OSMR: variants seen among roughly 807,000 people sequenced by gnomAD.
The protein encoded by OSMR is oncostatin-M-specific receptor subunit beta.
Under a neutral mutation model 99.9 loss-of-function variants are expected in OSMR, and 81 were observed. That is an observed-to-expected ratio of 0.81 (90% CI 0.68 to 0.97). OSMR has a LOEUF of 0.97. Ranked by LOEUF, OSMR falls within the 50% of genes least tolerant of loss-of-function variation. OSMR has a pLI of 0.00. For synonymous variants in OSMR, 406 were observed against 410.4 expected (o/e 0.99, Z 0.13); for missense variants, 1,099 against 1,153.4 (o/e 0.95, Z 0.68).
intron 1 of OSMR, among the ~76,000 whole-genome samples, chr5:38,848,859 G>T (rs555373097): frequency 6.6e-6 from 1 of 151,936 alleles, no homozygotes; most frequent in South Asian, 2.1e-4. Flanking sequence ...CTGCAGCCTC[G>T]ACCTTCTGGG....
intron 1 of OSMR, among the ~76,000 whole-genome samples, chr5:38,847,429 G>A (rs1422416416): frequency 2.0e-5 from 3 of 152,110 alleles, no homozygotes; most frequent in Non-Finnish European, 4.4e-5. Context: ...TACACAGCTA[G>A]CAGGTGACAG....
At chr5:38,854,301 A>G (rs936388660) in intron 1 of OSMR, among the ~76,000 whole-genome samples, 1 of 152,184 alleles carries the variant, frequency 6.6e-6, no homozygotes, top group African/African-American at 2.4e-5. Flanking sequence ...CATGGGCATT[A>G]TTTGTGGTGA....
intron 4 of OSMR, 35 bp from the exon 5 acceptor site, chr5:38,883,792 T>A: frequency 6.2e-7 from 1 of 1,611,884 alleles, no homozygotes; most frequent in African/African-American, 1.3e-5. Context: ...GAATTTTGAG[T>A]GCGATTCTAA....
Position 38,877,763 on chromosome 5 carries a change from C to G in OSMR, c.246+1390C>G, listed in dbSNP as rs534340184. On this transcript the variant is annotated intron_variant, in intron 3 of 17. Transcript: ENST00000274276. ...AACCATAGACTACATGGATCCTATT[C>G]TTTATTTTTCCAAAAGACAACTCAT... Among the ~76,000 whole-genome samples the G allele has an allele frequency of 2.6e-5, 4 of 152,252 alleles. No individual in the cohort carries two copies. The East Asian group carries it at 5.8e-4, about 22-fold the overall frequency.
intron 3 of OSMR, among the ~76,000 whole-genome samples, chr5:38,879,862 T>C (rs1324671028): frequency 2.0e-5 from 3 of 152,150 alleles, no homozygotes; most frequent in Non-Finnish European, 2.9e-5. Context: ...GACCTCATGA[T>C]CTGCCTGCCT....
intron 13 of OSMR, 115 bp from the exon 14 acceptor site, chr5:38,924,307 G>C: frequency 1.9e-6 from 3 of 1,561,044 alleles, no homozygotes; most frequent in Non-Finnish European, 2.6e-6. Flanking sequence ...TCCTTAACTT[G>C]GCATAAGCTG....
chr5:38,874,768 A>G (rs1225647945), intron 2 of OSMR, among the ~76,000 whole-genome samples: 1 of 152,218 alleles, frequency 6.6e-6, no homozygotes, highest in Non-Finnish European at 1.5e-5. Context: ...AGAGATTCCT[A>G]TTTAATTTCA....
chr5:38,932,912 TC>T lies in OSMR; in HGVS notation c.2411del (p.Pro804GlnfsTer7). 6.2e-7 allele frequency: 1 copy of T among 1,614,120 alleles called. No individual in the cohort carries two copies. The highest frequency in any genetic ancestry group is 8.5e-7 in the Non-Finnish European group (1 of 1,179,958). On this transcript the variant is annotated frameshift_variant, in exon 18 of 18. Coordinates refer to ENST00000274276, the MANE Select transcript of OSMR (RefSeq NM_003999.3). LOFTEE classifies it low-confidence loss of function (END_TRUNC). The part of the protein sequence containing the change: ...HLIIMNVSDC[I>X]PDAIEVVSKP... Reference sequence around the variant, plus strand: ...ATAATAATGAATGTCAGTGACTGTATCCCAGATGCTATTGAAGTTGTAAGCA... The same window carrying T: ...ATAATAATGAATGTCAGTGACTGTATCCAGATGCTATTGAAGTTGTAAGCA...
intron 2 of OSMR, among the ~76,000 whole-genome samples, chr5:38,874,677 T>C (rs575927800): frequency 6.6e-6 from 1 of 152,342 alleles, no homozygotes; most frequent in South Asian, 2.1e-4. Context: ...GACATTCCAT[T>C]CCGTGCAAAC....
intron 1 of OSMR, among the ~76,000 whole-genome samples, chr5:38,863,336 C>G (rs929326023): frequency 3.3e-5 from 5 of 151,762 alleles, no homozygotes; most frequent in Non-Finnish European, 5.9e-5. Context: ...GTCAAGAGAT[C>G]GAGACCATGC....
At chr5:38,924,145 T>C (rs1746362071) in intron 13 of OSMR, 1 of 163,774 alleles carries the variant, frequency 6.1e-6, no homozygotes, top group Admixed American at 6.5e-5. Context: ...TTTATTTTTA[T>C]TTTTTGGCTA....
intron 10 of OSMR, 52 bp from the exon 11 acceptor site, chr5:38,918,788 A>C: frequency 6.2e-7 from 1 of 1,604,012 alleles, no homozygotes; most frequent in Non-Finnish European, 8.5e-7. Context: ...GAGTTGTACA[A>C]ATTCCTTTCA....
At chr5:38,899,960 A>G (rs1744788972) in intron 7 of OSMR, among the ~76,000 whole-genome samples, 1 of 152,050 alleles carries the variant, frequency 6.6e-6, no homozygotes, top group South Asian at 2.1e-4. Context: ...GCTTGCTCTA[A>G]GCCCGGCTCA....
intron 9 of OSMR, among the ~76,000 whole-genome samples, chr5:38,913,067 A>G (rs563778042): frequency 1.1e-4 from 16 of 152,162 alleles, no homozygotes; most frequent in South Asian, 4.1e-4. Context: ...AAAAACAAAA[A>G]TTGACAAGTC....
downstream of OSMR, among the ~76,000 whole-genome samples, chr5:38,936,272 T>C (rs1210194174): frequency 2.6e-5 from 4 of 152,168 alleles, no homozygotes; most frequent in African/African-American, 9.7e-5. Flanking sequence ...GATATCATGA[T>C]TTCATGTCAA....
intron 2 of OSMR, among the ~76,000 whole-genome samples, chr5:38,869,838 T>G (rs2112245176): frequency 6.6e-6 from 1 of 152,312 alleles, no homozygotes; most frequent in East Asian, 1.9e-4. Context: ...ATCTTTCATC[T>G]GTATTTTACA....
chr5:38,889,911 T>G (rs1744040575), intron 7 of OSMR, among the ~76,000 whole-genome samples: 1 of 152,332 alleles, frequency 6.6e-6, no homozygotes, highest in African/African-American at 2.4e-5. Flanking sequence ...AATAAAATAT[T>G]TAAAGCTACA....
downstream of OSMR, chr5:38,945,405 A>G (rs1247905347): frequency 2.3e-6 from 2 of 881,184 alleles, no homozygotes; most frequent in Non-Finnish European, 3.6e-6. Flanking sequence ...ACTCTGAATT[A>G]GAATACCAAA....
rs745817108 is a variant in OSMR at position 38,933,433 on chromosome 5, C to T, written c.2929C>T (p.His977Tyr). 3.1e-6 allele frequency: 5 copies of T among 1,614,104 alleles called. No individual in the cohort carries two copies. The East Asian group carries it at 8.9e-5, about 29-fold the overall frequency. The change falls in exon 18 of 18, where the codon CAC (histidine) becomes TAC (tyrosine). Residue 977 changes from histidine (H) to tyrosine (Y), a missense_variant. Coordinates refer to ENST00000274276, the MANE Select transcript of OSMR (RefSeq NM_003999.3). The stretch of plus-strand genomic sequence containing the variant: ...AATTACCCTTTTAGATCCAGGTGAA[C>T]ACTACTGCTAACCAGCATGCCGATT... ...SSITLLDPGE[H>Y]YC
Sources: allele counts gnomAD v4.1 joint callset (sites outside exome capture counted in the v4.1 genomes callset), GRCh38; gene constraint gnomAD v4.1.1; transcripts MANE v1.5; gene names NCBI Gene and HGNC (gene_info 2026-07-23, HGNC 2026-07-21).